TESC: variants seen among roughly 807,000 people sequenced by gnomAD.
TESC encodes the protein calcineurin B homologous protein 3.
Under a neutral mutation model 31.0 loss-of-function variants are expected in TESC, and 19 were observed. The ratio of observed to expected loss-of-function variants is 0.61; its 90% CI spans 0.43 to 0.90. The LOEUF is 0.90. Ranked by LOEUF, TESC falls within the 40% of genes least tolerant of loss-of-function variation. TESC has a pLI of 0.00. For missense variants in TESC, 248 were observed against 303.8 expected (o/e 0.82, Z 1.36); for synonymous variants, 109 against 114.8 (o/e 0.95, Z 0.32).
intron 7 of TESC, among the ~76,000 whole-genome samples, chr12:117,040,997 T>C (rs1382585559): frequency 6.6e-6 from 1 of 150,530 alleles, no homozygotes; most frequent in African/African-American, 2.5e-5. Context: ...GGGAACACTG[T>C]TGTGATGCCC....
chr12:117,080,379 AATCACT>A (rs1221899454), intron 1 of TESC, among the ~76,000 whole-genome samples: 1 of 152,072 alleles, frequency 6.6e-6, no homozygotes, highest in East Asian at 1.9e-4. Flanking sequence ...GAGGCAGGAG[AATCACT>A]TGAACCCGGG....
intron 5 of TESC, 26 bp downstream of exon 5, chr12:117,046,750 CG>C: frequency 6.4e-7 from 1 of 1,556,566 alleles, no homozygotes; most frequent in Non-Finnish European, 8.7e-7. Flanking sequence ...CCAGGAGCCC[CG>C]GGCGGGCCAG....
intron 3 of TESC, among the ~76,000 whole-genome samples, chr12:117,050,922 C>T (rs542079625): frequency 3.3e-5 from 5 of 152,334 alleles, no homozygotes; most frequent in East Asian, 3.9e-4. Flanking sequence ...AAGACCCTGT[C>T]TCAAACGAAA....
intron 1 of TESC, among the ~76,000 whole-genome samples, chr12:117,075,901 A>ATATATATATATGTGTGTGTGTG (rs1955059474): frequency 4.6e-5 from 4 of 86,130 alleles, no homozygotes; most frequent in African/African-American, 3.0e-4. Context: ...ATATATATAT[A>ATATATATATATGTGTGTGTGTG]TATATATATA....
At chr12:117,071,961 T>A (rs567397213) in intron 2 of TESC, among the ~76,000 whole-genome samples, 2 of 152,318 alleles carry the variant, frequency 1.3e-5, no homozygotes, top group East Asian at 3.9e-4. Flanking sequence ...AAGCAAAACC[T>A]GCATGGCAGC....
At position 117,049,984 on chromosome 12, in the gene TESC, C is replaced by CTG. The variant is rs1327088855; in HGVS notation, c.210-827_210-826insCA. ...CTTAATTTTGTCAGAGTCAGGGTCT[C>CTG]ACTCCATTGCCCAGGCTGGAGTTCA... is the stretch of plus-strand genomic sequence containing the variant. On this transcript the variant is annotated intron_variant, in intron 3 of 7. Coordinates refer to ENST00000335209, the MANE Select transcript of TESC (RefSeq NM_017899.4). 9.8e-4 allele frequency among the ~76,000 whole-genome samples: 148 copies of CTG among 151,632 alleles called. 1 individual carries two copies. Among genetic ancestry groups the CTG allele is most frequent in the East Asian group, 1.4e-3 (7 of 5,154 alleles).
At chr12:117,071,473 T>C (rs1253578534) in intron 2 of TESC, among the ~76,000 whole-genome samples, 1 of 152,144 alleles carries the variant, frequency 6.6e-6, no homozygotes, top group Non-Finnish European at 1.5e-5. Flanking sequence ...CTTGGAAATG[T>C]GGTCCACACT....
chr12:117,068,466 T>G (rs1216083228), intron 2 of TESC, among the ~76,000 whole-genome samples: 1 of 151,750 alleles, frequency 6.6e-6, no homozygotes, highest in African/African-American at 2.4e-5. Flanking sequence ...GACGGGGAGG[T>G]TGCAGTGAGC....
intron 6 of TESC, among the ~76,000 whole-genome samples, chr12:117,044,311 A>G (rs138650391): frequency 2.0e-3 from 308 of 152,034 alleles, no homozygotes; most frequent in African/African-American, 7.1e-3. Flanking sequence ...AATGAAACCC[A>G]GCAGTTCTCG....
chr12:117,096,482 T>C (rs1229649514), intron 1 of TESC, among the ~76,000 whole-genome samples: 1 of 152,164 alleles, frequency 6.6e-6, no homozygotes, highest in African/African-American at 2.4e-5. Flanking sequence ...AGAAGTAAGA[T>C]GACTTGCCCA....
intron 3 of TESC, among the ~76,000 whole-genome samples, chr12:117,054,222 A>G (rs1592998755): frequency 6.6e-6 from 1 of 150,498 alleles, no homozygotes; most frequent in Non-Finnish European, 1.5e-5. Flanking sequence ...ACCATGATTC[A>G]CTCCTCCCTG....
At chr12:117,046,507 C>T (rs890015489) in intron 6 of TESC, 52 bp downstream of exon 6, 28 of 1,498,438 alleles carry the variant, frequency 1.9e-5, no homozygotes, top group Non-Finnish European at 2.5e-5. Context: ...GAAACGCAGA[C>T]CATAAGCGGG....
At chr12:117,083,895 A>C (rs12312581) in intron 1 of TESC, 2 of 152,110 alleles carry the variant, frequency 1.3e-5, no homozygotes, top group Non-Finnish European at 2.9e-5. Context: ...TCAGAAATTC[A>C]AGACCAGCTA....
intron 1 of TESC, chr12:117,098,277 G>A (rs889501321): frequency 3.9e-5 from 6 of 152,368 alleles, no homozygotes; most frequent in African/African-American, 1.4e-4. Flanking sequence ...CAACAGAGAA[G>A]GAAAGCTGAG....
At chr12:117,074,848 G>T (rs1435534436) in intron 2 of TESC, among the ~76,000 whole-genome samples, 1 of 152,224 alleles carries the variant, frequency 6.6e-6, no homozygotes, top group East Asian at 1.9e-4. Flanking sequence ...TGTCTTAGAA[G>T]AGACCAGAAG....
chr12:117,097,284 A>C (rs1042431916), intron 1 of TESC, among the ~76,000 whole-genome samples: 2 of 152,184 alleles, frequency 1.3e-5, no homozygotes, highest in African/African-American at 4.8e-5. Flanking sequence ...GGCAGCAAGA[A>C]GGGAAGCCGC....
At chr12:117,075,825 C>T (rs1176619254) in intron 1 of TESC, among the ~76,000 whole-genome samples, 1 of 132,542 alleles carries the variant, frequency 7.5e-6, no homozygotes, top group African/African-American at 2.8e-5. Context: ...TCACCATGCC[C>T]GGCTAATTTT....
intron 1 of TESC, among the ~76,000 whole-genome samples, chr12:117,077,583 A>G (rs1955090866): frequency 1.3e-5 from 2 of 152,272 alleles, no homozygotes; most frequent in South Asian, 4.1e-4. Context: ...GGAATAGCAC[A>G]TGGCAGTGAA....
chr12:117,098,130 C>T (rs1955419717), intron 1 of TESC, among the ~76,000 whole-genome samples: 5 of 152,204 alleles, frequency 3.3e-5, no homozygotes. Flanking sequence ...ACACAAACAG[C>T]TGGGCCACCC....
Sources: gnomAD v4.1 joint callset for allele counts (sites outside exome capture counted in the v4.1 genomes callset) on GRCh38, gnomAD v4.1.1 for gene constraint, MANE v1.5 for transcripts, NCBI Gene and HGNC (gene_info 2026-07-23, HGNC 2026-07-21) for gene names.